The following RAB37 variants were observed in gnomAD, a reference collection of about 807,000 sequenced individuals.
RAB37 encodes RAB37, member RAS oncogene family, also known as ras-related protein Rab-37.
In RAB37, 29 loss-of-function variants were observed where a neutral mutation model predicts 33.1. That is an observed-to-expected ratio of 0.88 (90% CI 0.65 to 1.20). The LOEUF (loss-of-function observed/expected upper bound fraction) is 1.20, where lower values mean the gene tolerates loss of function less well. Among genes scored for constraint, RAB37 ranks in the 50% most tolerant of loss-of-function variants. The pLI, the probability that RAB37 is intolerant of heterozygous loss-of-function variation, is 0.00. For synonymous variants in RAB37, 128 were observed against 119.5 expected, an observed-to-expected ratio of 1.07 and a Z score of -0.47; for missense variants, 299 against 301.1, an observed-to-expected ratio of 0.99 and a Z score of 0.05.
upstream of RAB37, among the ~76,000 whole-genome samples, chr17:74,733,372 G>A (rs1248329912): frequency 6.7e-6 from 1 of 149,872 alleles, no homozygotes; most frequent in East Asian, 2.0e-4. Flanking sequence ...TATGATGTGA[G>A]GCAGATGTGT....
intron 1 of RAB37, among the ~76,000 whole-genome samples, chr17:74,721,799 T>C (rs1196227416): frequency 2.0e-5 from 3 of 152,196 alleles, no homozygotes; most frequent in East Asian, 1.9e-4. Flanking sequence ...GAAACCTTGA[T>C]AGATATTGTC....
intron 1 of RAB37, among the ~76,000 whole-genome samples, chr17:74,679,086 G>A (rs2031900237): frequency 6.6e-6 from 1 of 151,470 alleles, no homozygotes; most frequent in Admixed American, 6.6e-5. Context: ...ACTCCAGCCT[G>A]GGCAACAAAG....
At chr17:74,706,045 G>A (rs1468912610) in intron 1 of RAB37, among the ~76,000 whole-genome samples, 2 of 152,122 alleles carry the variant, frequency 1.3e-5, no homozygotes, top group Non-Finnish European at 2.9e-5. Flanking sequence ...CTAAACATTG[G>A]TTATGCATGG....
chr17:74,721,504 C>T (rs2034240366), intron 1 of RAB37, among the ~76,000 whole-genome samples: 2 of 149,322 alleles, frequency 1.3e-5, no homozygotes, highest in African/African-American at 5.0e-5. Context: ...GTGATCTTGG[C>T]TGACTGTAAC....
At position 74,744,470 on chromosome 17, in the gene RAB37, T is replaced by A; in HGVS notation, c.432+97T>A. 1 of 1,166,678 alleles carries A rather than the reference T, an allele frequency of 8.6e-7. No individual in the cohort carries two copies. The highest frequency in any genetic ancestry group is 1.3e-6 in the Non-Finnish European group (1 of 780,020). 72.3% of individuals were successfully genotyped at this position (1,166,678 alleles called of 1,614,324 possible). A position where few individuals can be genotyped will look rare whatever the true frequency, so the allele number is the denominator to read the frequency against. On this transcript the variant is annotated intron_variant, in intron 6 of 8. Transcript: ENST00000392613. The surrounding 1 kb of genome is among the most constrained non-coding windows in gnomAD (Gnocchi z 4.2). ...AGAACAGTTATCTAGGCATCCTTCC[T>A]GAAAAGGACTCTGCAGCCTCCAGCT...
Position 74,745,040 on chromosome 17 carries a change from C to T in RAB37, c.522C>T (p.Ala174=), listed in dbSNP as rs1381969871. The change falls in exon 8 of 9, where the codon GCC becomes GCT. Residue 174 remains alanine (A), a synonymous_variant. Coordinates refer to ENST00000392613, the MANE Select transcript of RAB37 (RefSeq NM_001006638.3). The surrounding 1 kb of genome is among the most constrained non-coding windows in gnomAD (Gnocchi z 4.5). The part of the protein sequence containing the change: ...EYGVPFLETS[A]KTGMNVELAF... Reference sequence around the variant, plus strand: ...GTGTTCCCTTCCTGGAGACCAGCGCCAAGACTGGCATGAATGTGGAGTTAG... The same window carrying T: ...GTGTTCCCTTCCTGGAGACCAGCGCTAAGACTGGCATGAATGTGGAGTTAG... 1.9e-6 allele frequency: 3 copies of T among 1,614,252 alleles called. No homozygotes were observed. Among genetic ancestry groups the T allele is most frequent in the Non-Finnish European group, 1.7e-6 (2 of 1,180,052 alleles).
At chr17:74,695,164 G>A (rs771272605) in intron 1 of RAB37, 2 of 1,614,036 alleles carry the variant, frequency 1.2e-6, no homozygotes, top group African/African-American at 2.7e-5. Flanking sequence ...TGGCTACTGA[G>A]GTGGCCCATG....
intron 1 of RAB37, among the ~76,000 whole-genome samples, chr17:74,715,271 T>A (rs2034151548): frequency 6.6e-6 from 1 of 152,202 alleles, no homozygotes; most frequent in African/African-American, 2.4e-5. Flanking sequence ...CCTCACACCC[T>A]AATCAGGAAT....
At chr17:74,705,246 G>T (rs977813025) in intron 1 of RAB37, 1 of 702,290 alleles carries the variant, frequency 1.4e-6, no homozygotes. Flanking sequence ...TCGAGCTGAG[G>T]CAGCCACATC....
Position 74,745,132 on chromosome 17 carries a change from TC to T in RAB37, c.566+50del. 1 of 1,599,928 alleles carries T rather than the reference TC, an allele frequency of 6.3e-7. No individual in the cohort carries two copies. Among genetic ancestry groups the T allele is most frequent in the Non-Finnish European group, 8.6e-7 (1 of 1,168,138 alleles). ...AAGTGTGCGGGGCAGGGCGGCACAC[TC>T]CAGGAATCCAGTAGGGCCCGGCCCC... On this transcript the variant is annotated intron_variant, in intron 8 of 8. Transcript: ENST00000392613. This position sits in a 1 kb window ranked among gnomAD's most constrained non-coding sequence, Gnocchi z 4.5.
chr17:74,702,651 G>A (rs546475092), intron 1 of RAB37, among the ~76,000 whole-genome samples: 11 of 152,136 alleles, frequency 7.2e-5, no homozygotes, highest in Admixed American at 1.3e-4. Flanking sequence ...ATGACCCCAC[G>A]CCCACACTCA....
chr17:74,717,185 TTA>T (rs1283579400), intron 1 of RAB37, among the ~76,000 whole-genome samples: 2 of 152,136 alleles, frequency 1.3e-5, no homozygotes, highest in African/African-American at 4.8e-5. Flanking sequence ...AAAGAATGTT[TTA>T]TCATGCACTG....
chr17:74,716,038 G>T (rs113022230), intron 1 of RAB37, among the ~76,000 whole-genome samples: 124 of 152,220 alleles, frequency 8.1e-4, no homozygotes, highest in Admixed American at 2.0e-3. Flanking sequence ...GTCTCAAAAA[G>T]AAAAAGCAGA....
intron 1 of RAB37, chr17:74,695,710 C>T (rs780345043): frequency 2.6e-5 from 42 of 1,613,934 alleles, no homozygotes; most frequent in Non-Finnish European, 3.5e-5. Context: ...ACAGCAGCCC[C>T]CATGGAGGAC....
intron 1 of RAB37, among the ~76,000 whole-genome samples, chr17:74,718,565 G>A (rs1211696971): frequency 1.3e-5 from 2 of 152,046 alleles, no homozygotes; most frequent in African/African-American, 4.8e-5. Context: ...TTGGCTAGAT[G>A]TATTTGGAAA....
At position 74,744,606 on chromosome 17, in the gene RAB37, G is replaced by C. The variant is rs982445695; in HGVS notation, c.432+233G>C. ...GGTGCCCAGTTCTCAGCCCCCATTA[G>C]AGCAGAGTGAACAGGGTCCCAGGTC... On this transcript the variant is annotated intron_variant, in intron 6 of 8. Coordinates refer to ENST00000392613, the MANE Select transcript of RAB37 (RefSeq NM_001006638.3). The surrounding 1 kb of genome is among the most constrained non-coding windows in gnomAD (Gnocchi z 4.2). 1.6e-6 allele frequency: 1 copy of C among 624,600 alleles called. No homozygotes were observed. Among genetic ancestry groups the C allele is most frequent in the Admixed American group, 2.8e-5 (1 of 35,278 alleles). The allele number at this position is 624,600 out of a possible 1,614,324, so 38.7% of individuals were successfully genotyped here.
intron 1 of RAB37, among the ~76,000 whole-genome samples, chr17:74,726,039 A>T (rs1274569782): frequency 6.6e-6 from 1 of 152,004 alleles, no homozygotes; most frequent in Non-Finnish European, 1.5e-5. Context: ...GATCGAGACC[A>T]TCCTGGCTAA....
intron 1 of RAB37, among the ~76,000 whole-genome samples, chr17:74,725,753 A>G (rs1162326378): frequency 1.3e-5 from 2 of 151,708 alleles, no homozygotes; most frequent in Non-Finnish European, 2.9e-5. Context: ...CCTCCCAAGT[A>G]GCTGGGATTA....
Position 74,740,881 on chromosome 17 carries a change from G to A in RAB37, c.204+3G>A, listed in dbSNP as rs1301365566. 1 of 1,603,278 alleles carries A rather than the reference G, an allele frequency of 6.2e-7. No homozygotes were observed. The highest frequency in any genetic ancestry group is 8.5e-7 in the Non-Finnish European group (1 of 1,170,196). On this transcript the variant is annotated splice_donor_region_variant and intron_variant, in intron 2 of 8. Coordinates refer to ENST00000392613, the MANE Select transcript of RAB37 (RefSeq NM_001006638.3). ...CCACCGTCGGCATAGACTTCAGGGT[G>A]AGGTGGCTGCAGGCACTTGCTTCCA...
Sources: gnomAD v4.1 joint callset for allele counts (sites outside exome capture counted in the v4.1 genomes callset) on GRCh38, gnomAD v4.1.1 for gene constraint, Gnocchi (gnomAD v3.1) non-coding constraint, MANE v1.5 for transcripts, NCBI Gene and HGNC (gene_info 2026-07-23, HGNC 2026-07-21) for gene names.